Variants in MGAT4C observed in about 807,000 individuals in gnomAD.
MGAT4C encodes MGAT4 family member C, also known as alpha-1,3-mannosyl-glycoprotein 4-beta-N-acetylglucosaminyltransferase C.
MGAT4C carries 19 observed loss-of-function variants against 40.1 expected under a neutral mutation model. That is an observed-to-expected ratio of 0.47 (90% CI 0.33 to 0.70). The LOEUF (loss-of-function observed/expected upper bound fraction) is 0.70. MGAT4C is among the 30% of genes least tolerant of loss of function. MGAT4C has a pLI of 0.02. For synonymous variants in MGAT4C, 181 were observed against 187.1 expected, an observed-to-expected ratio of 0.97 and a Z score of 0.27; for missense variants, 491 against 563.2, an observed-to-expected ratio of 0.87 and a Z score of 1.30.
Position 86,768,756 on chromosome 12 carries a change from G to A in MGAT4C, c.-261-41515C>T, listed in dbSNP as rs192230782. Among the ~76,000 whole-genome samples the A allele has an allele frequency of 9.4e-3, 1,424 of 151,650 alleles. 5 individuals carry two copies. The highest frequency in any genetic ancestry group is 0.014 in the Middle Eastern group (4 of 292). On this transcript the variant is annotated intron_variant, in intron 1 of 7. Transcript: ENST00000548651. ...GATCTTTGACAAACCTGAGAAAAAC[G>A]AGCAATGGGGAAAGGATTCCCTATT... is the stretch of plus-strand genomic sequence containing the variant.
At chr12:86,433,859 AATTC>A (rs1371499864) in intron 3 of MGAT4C, among the ~76,000 whole-genome samples, 2 of 152,012 alleles carry the variant, frequency 1.3e-5, no homozygotes, top group African/African-American at 2.4e-5. Context: ...CTTCACTATG[AATTC>A]ATTATTTTTA....
intron 1 of MGAT4C, among the ~76,000 whole-genome samples, chr12:86,829,833 T>C (rs1317712154): frequency 6.7e-6 from 1 of 150,216 alleles, no homozygotes; most frequent in Admixed American, 6.7e-5. Context: ...AACCTCACAA[T>C]AACTTGACTA....
intron 3 of MGAT4C, among the ~76,000 whole-genome samples, chr12:86,406,921 G>C (rs1431539578): frequency 6.6e-6 from 1 of 152,096 alleles, no homozygotes; most frequent in Non-Finnish European, 1.5e-5. Flanking sequence ...TCTACCTGGA[G>C]ATATGTCAGA....
intron 1 of MGAT4C, among the ~76,000 whole-genome samples, chr12:86,730,821 C>T (rs947396727): frequency 1.2e-4 from 18 of 152,052 alleles, no homozygotes; most frequent in African/African-American, 4.3e-4. Flanking sequence ...CCTCCTCTTC[C>T]TTTTAAAAAA....
At chr12:86,718,969 C>T (rs551620363) in intron 2 of MGAT4C, among the ~76,000 whole-genome samples, 28 of 152,204 alleles carry the variant, frequency 1.8e-4, no homozygotes, top group Non-Finnish European at 3.5e-4. Flanking sequence ...ATGATGGTTA[C>T]GTTCTTAAAG....
intron 2 of MGAT4C, among the ~76,000 whole-genome samples, chr12:86,654,868 A>C (rs549010977): frequency 6.6e-6 from 1 of 152,124 alleles, no homozygotes; most frequent in Admixed American, 6.6e-5. Context: ...ATCTTTCAAG[A>C]TCATCAATTA....
At chr12:86,419,697 A>T (rs192788848) in intron 3 of MGAT4C, among the ~76,000 whole-genome samples, 42 of 152,304 alleles carry the variant, frequency 2.8e-4, no homozygotes, top group African/African-American at 1.0e-3. Context: ...AGGCCATTTC[A>T]CTTCATGAAG....
chr12:86,155,793 A>T (rs1781872296), intron 1 of MGAT4C, among the ~76,000 whole-genome samples: 1 of 152,208 alleles, frequency 6.6e-6, no homozygotes, highest in African/African-American at 2.4e-5. Flanking sequence ...AAAAAAGGTA[A>T]GAAAAAATAT....
Position 86,212,920 on chromosome 12 carries a change from AAG to A in MGAT4C, c.-57+43317_-57+43318del, listed in dbSNP as rs200073909. Reference sequence around the variant, plus strand: ...AAAAAAAAAAAAAAAAAAAAAAAAAAAGAACACTCATTAACTGTTAGTGAGAT... The same window carrying A: ...AAAAAAAAAAAAAAAAAAAAAAAAAAAACACTCATTAACTGTTAGTGAGAT... On this transcript the variant is annotated intron_variant, in intron 1 of 4. Transcript: ENST00000611864. Among the ~76,000 whole-genome samples the A allele has an allele frequency of 1.0e-4, 15 of 146,726 alleles. 1 individual carries two copies. In the East Asian group the frequency reaches 1.2e-3, roughly 12 times the overall value.
chr12:86,346,984 T>G (rs1205866817), intron 3 of MGAT4C, among the ~76,000 whole-genome samples: 1 of 152,172 alleles, frequency 6.6e-6, no homozygotes, highest in Non-Finnish European at 1.5e-5. Context: ...TTTGGACCCT[T>G]GGACTTACAC....
intron 1 of MGAT4C, among the ~76,000 whole-genome samples, chr12:86,757,638 A>G (rs1018687489): frequency 6.6e-6 from 1 of 152,124 alleles, no homozygotes; most frequent in Non-Finnish European, 1.5e-5. Context: ...TATTTTCAAT[A>G]TGTGGATTTT....
chr12:86,053,125 C>T (rs890009645), intron 1 of MGAT4C, among the ~76,000 whole-genome samples: 2 of 151,596 alleles, frequency 1.3e-5, no homozygotes, highest in Admixed American at 6.6e-5. Flanking sequence ...TGAATGCCCA[C>T]GTGTTCAATC....
chr12:86,289,840 C>T (rs947123511), intron 4 of MGAT4C, among the ~76,000 whole-genome samples: 7 of 151,988 alleles, frequency 4.6e-5, no homozygotes, highest in African/African-American at 1.7e-4. Context: ...ATTGTTTTCC[C>T]AAATTCATAG....
intron 4 of MGAT4C, among the ~76,000 whole-genome samples, chr12:86,306,461 T>A (rs1172940388): frequency 6.6e-6 from 1 of 150,544 alleles, no homozygotes; most frequent in Non-Finnish European, 1.5e-5. Flanking sequence ...ATACATGTAG[T>A]ATACTTTCAT....
intron 3 of MGAT4C, among the ~76,000 whole-genome samples, chr12:86,392,331 G>C (rs1173693462): frequency 6.6e-6 from 1 of 152,114 alleles, no homozygotes; most frequent in Non-Finnish European, 1.5e-5. Context: ...AGATAGCTGG[G>C]TGTGGTGGCA....
intron 1 of MGAT4C, among the ~76,000 whole-genome samples, chr12:86,793,858 G>C (rs1952068236): frequency 6.6e-6 from 1 of 151,892 alleles, no homozygotes. Context: ...AAGCTGAATT[G>C]AAAAACTGAA....
intron 2 of MGAT4C, among the ~76,000 whole-genome samples, chr12:86,037,049 T>G (rs1891307696): frequency 6.7e-6 from 1 of 150,222 alleles, no homozygotes; most frequent in Admixed American, 6.7e-5. Flanking sequence ...CTTATCCATT[T>G]CTTCTAGATT....
At chr12:86,721,246 TA>T (rs1168516896) in intron 2 of MGAT4C, among the ~76,000 whole-genome samples, 4 of 152,008 alleles carry the variant, frequency 2.6e-5, no homozygotes, top group Admixed American at 2.6e-4. Context: ...TGTAATCATT[TA>T]AAAAAGAATC....
At chr12:86,051,566 T>C (rs928789647) in intron 1 of MGAT4C, among the ~76,000 whole-genome samples, 3 of 151,858 alleles carry the variant, frequency 2.0e-5, no homozygotes, top group African/African-American at 7.2e-5. Context: ...TAATTTCATC[T>C]GGTTAAATTA....
Sources: allele counts gnomAD v4.1 joint callset (sites outside exome capture counted in the v4.1 genomes callset), GRCh38; gene constraint gnomAD v4.1.1; transcripts MANE v1.5; gene names NCBI Gene and HGNC (gene_info 2026-07-23, HGNC 2026-07-21).